The following PDE4D variants were observed in gnomAD, a reference collection of about 807,000 sequenced individuals.
The protein encoded by PDE4D is 3',5'-cyclic-AMP phosphodiesterase 4D.
Under a neutral mutation model 87.4 loss-of-function variants are expected in PDE4D, and 24 were observed. The observed-to-expected ratio is 0.27, with a 90% CI of 0.20 to 0.39. The LOEUF is 0.39. Ranked by LOEUF, PDE4D falls within the 10% of genes least tolerant of loss-of-function variation. PDE4D has a pLI of 1.00. For synonymous variants in PDE4D, 384 were observed against 383.2 expected, an observed-to-expected ratio of 1.00 and a Z score of -0.02; for missense variants, 714 against 1,041.0, an observed-to-expected ratio of 0.69 and a Z score of 4.32.
At chr5:59,303,268 C>G (rs765265477) in intron 1 of PDE4D, among the ~76,000 whole-genome samples, 1 of 151,856 alleles carries the variant, frequency 6.6e-6, no homozygotes, top group Non-Finnish European at 1.5e-5. Flanking sequence ...TGTTTGGGGT[C>G]CTTGTAGATT....
At chr5:59,384,514 T>TA (rs1443012043) in intron 1 of PDE4D, among the ~76,000 whole-genome samples, 1 of 152,284 alleles carries the variant, frequency 6.6e-6, no homozygotes, top group African/African-American at 2.4e-5. Flanking sequence ...CTGTCGATGA[T>TA]ATGTAGTATG....
chr5:59,233,883 C>A (rs1008502587), intron 1 of PDE4D, among the ~76,000 whole-genome samples: 1 of 152,082 alleles, frequency 6.6e-6, no homozygotes, highest in Non-Finnish European at 1.5e-5. Context: ...ATTGAGAAGA[C>A]GTAAGGATGG....
At chr5:59,389,432 CTT>C (rs1471536436) in intron 1 of PDE4D, among the ~76,000 whole-genome samples, 1 of 151,788 alleles carries the variant, frequency 6.6e-6, no homozygotes, top group East Asian at 1.9e-4. Context: ...GACAGAGCCT[CTT>C]TAAAAGATTT....
intron 1 of PDE4D, among the ~76,000 whole-genome samples, chr5:59,717,452 AT>A (rs1264321387): frequency 6.6e-6 from 1 of 152,260 alleles, no homozygotes; most frequent in African/African-American, 2.4e-5. Context: ...TGTAAAGAAT[AT>A]AAAAAATTGA....
intron 1 of PDE4D, among the ~76,000 whole-genome samples, chr5:60,311,106 C>T (rs1754993976): frequency 6.6e-6 from 1 of 151,972 alleles, no homozygotes; most frequent in African/African-American, 2.4e-5. Flanking sequence ...CAGTCTTCAC[C>T]TCCCAGGTTC....
At chr5:59,641,757 AT>A (rs1441403177) in intron 1 of PDE4D, among the ~76,000 whole-genome samples, 2 of 152,200 alleles carry the variant, frequency 1.3e-5, no homozygotes, top group African/African-American at 4.8e-5. Flanking sequence ...TAGCATATTC[AT>A]TTACATTAAT....
chr5:59,744,964 T>C (rs548375757), intron 1 of PDE4D, among the ~76,000 whole-genome samples: 2 of 152,158 alleles, frequency 1.3e-5, no homozygotes, highest in East Asian at 3.8e-4. Context: ...ATATCAAGGA[T>C]GAGTCAAAAA....
chr5:60,224,408 G>A (rs1001384399), intron 1 of PDE4D, among the ~76,000 whole-genome samples: 2 of 152,028 alleles, frequency 1.3e-5, no homozygotes, highest in South Asian at 4.2e-4. Context: ...CATGCCCCAC[G>A]GGTCATATTT....
At chr5:59,727,553 T>C (rs1487608441) in intron 1 of PDE4D, among the ~76,000 whole-genome samples, 1 of 151,902 alleles carries the variant, frequency 6.6e-6, no homozygotes, top group Non-Finnish European at 1.5e-5. Flanking sequence ...GGTTAGAACA[T>C]AAACAAACAA....
At chr5:59,748,935 A>T (rs34032696) in intron 1 of PDE4D, among the ~76,000 whole-genome samples, 1 of 152,134 alleles carries the variant, frequency 6.6e-6, no homozygotes, top group Admixed American at 6.5e-5. Context: ...CTGATCTTCC[A>T]GTCCCAGATA....
At chr5:59,406,945 C>T (rs1791779071) in intron 1 of PDE4D, among the ~76,000 whole-genome samples, 1 of 152,012 alleles carries the variant, frequency 6.6e-6, no homozygotes, top group Non-Finnish European at 1.5e-5. Flanking sequence ...GAAGAATTTC[C>T]TCAGAGTTTT....
chr5:60,449,800 C>T (rs776982722), intron 1 of PDE4D, among the ~76,000 whole-genome samples: 23 of 149,828 alleles, frequency 1.5e-4, no homozygotes, highest in African/African-American at 2.2e-4. Context: ...TACCCAGTGA[C>T]GGGATGGCTG....
intron 5 of PDE4D, among the ~76,000 whole-genome samples, chr5:59,159,097 T>C (rs1392723040): frequency 6.7e-6 from 1 of 150,102 alleles, no homozygotes; most frequent in Non-Finnish European, 1.5e-5. Context: ...TTGCTTATTA[T>C]TCTAATTTGG....
intron 1 of PDE4D, among the ~76,000 whole-genome samples, chr5:60,300,064 G>GT (rs977323180): frequency 6.6e-5 from 10 of 151,892 alleles, no homozygotes; most frequent in African/African-American, 1.2e-4. Context: ...AGTATCTGTT[G>GT]TTTTTTTTAT....
At position 59,668,859 on chromosome 5, in the gene PDE4D, A is replaced by G. The variant is rs1440394250; in HGVS notation, c.455+224309T>C. Among the ~76,000 whole-genome samples, 25 of 66,552 alleles carry G rather than the reference A, an allele frequency of 3.8e-4. 1 individual carries two copies. Among genetic ancestry groups the G allele is most frequent in the African/African-American group, 1.8e-3 (25 of 13,852 alleles). The allele number at this position is 66,552 out of a possible 152,430, so 43.7% of individuals were successfully genotyped here. A position where few individuals can be genotyped will look rare whatever the true frequency, so the allele number is the denominator to read the frequency against. ...GAAGAGGAAGAGGAAGAAGAAGAAG[A>G]AGAAGAAGAAGAAGAAGAAGAAGAA... On this transcript the variant is annotated intron_variant, in intron 1 of 14. Coordinates refer to ENST00000340635, the MANE Select transcript of PDE4D (RefSeq NM_001104631.2).
At chr5:59,676,360 C>T (rs553473256) in intron 1 of PDE4D, among the ~76,000 whole-genome samples, 1 of 152,194 alleles carries the variant, frequency 6.6e-6, no homozygotes, top group African/African-American at 2.4e-5. Context: ...TTTCTAAGGG[C>T]TAAAAATATT....
Position 58,971,909 on chromosome 5 carries a change from C to T in PDE4D, c.*2755G>A, listed in dbSNP as rs1004586412. On this transcript the variant is annotated 3_prime_UTR_variant, in exon 15 of 15. Transcript: ENST00000340635. ...GCAAGGATAAGCAGATTGTACAGTG[C>T]ATTAGTCCCTGTCTCTTGGATATTG... 7 of 152,524 alleles carry T rather than the reference C, an allele frequency of 4.6e-5. No individual in the cohort carries two copies. The highest frequency in any genetic ancestry group is 1.7e-4 in the African/African-American group (7 of 41,420). 9.4% of individuals were successfully genotyped at this position (152,524 alleles called of 1,614,324 possible).
chr5:60,298,925 T>C (rs1753655802), intron 1 of PDE4D, among the ~76,000 whole-genome samples: 1 of 152,188 alleles, frequency 6.6e-6, no homozygotes, highest in South Asian at 2.1e-4. Flanking sequence ...ATTTCAACAG[T>C]CACCACGGAA....
chr5:59,004,795 A>T (rs945433178), intron 6 of PDE4D, among the ~76,000 whole-genome samples: 1 of 152,234 alleles, frequency 6.6e-6, no homozygotes, highest in Non-Finnish European at 1.5e-5. Flanking sequence ...CATGTATCCC[A>T]GGACATCTAG....
Sources: gnomAD v4.1 joint callset for allele counts (sites outside exome capture counted in the v4.1 genomes callset) on GRCh38, gnomAD v4.1.1 for gene constraint, MANE v1.5 for transcripts, NCBI Gene and HGNC (gene_info 2026-07-23, HGNC 2026-07-21) for gene names.